STK32C: variants seen among roughly 807,000 people sequenced by gnomAD.
STK32C encodes the protein serine/threonine-protein kinase 32C.
STK32C carries 31 observed loss-of-function variants against 56.5 expected under a neutral mutation model. The ratio of observed to expected loss-of-function variants is 0.55; its 90% CI spans 0.41 to 0.74. STK32C has a LOEUF of 0.74. STK32C is among the 30% of genes least tolerant of loss of function. STK32C has a pLI of 0.00. For synonymous variants in STK32C, 309 were observed against 289.4 expected (o/e 1.07, Z -0.69); for missense variants, 544 against 676.9 (o/e 0.80, Z 2.18).
At chr10:132,226,698 TCTGAGGGAGTACGGCCGCCGTGC>T in intron 4 of STK32C, 74 bp downstream of exon 4, 1 of 1,453,660 alleles carries the variant, frequency 6.9e-7, no homozygotes, top group South Asian at 1.3e-5. Flanking sequence ...CTAGACCCGC[TCTGAGGGAGTACGGCCGCCGTGC>T]CGGCAGCCTG....
At chr10:132,257,655 C>T (rs1270665331) in intron 1 of STK32C, among the ~76,000 whole-genome samples, 1 of 151,412 alleles carries the variant, frequency 6.6e-6, no homozygotes, top group African/African-American at 2.4e-5. Context: ...CCTCTCTCTG[C>T]CTCTGTCCCC....
intron 11 of STK32C, among the ~76,000 whole-genome samples, chr10:132,208,397 T>A (rs1421742927): frequency 2.0e-5 from 3 of 152,204 alleles, no homozygotes; most frequent in Admixed American, 2.0e-4. Context: ...AAGGCCTGAC[T>A]GTGCAGGTGC....
chr10:132,232,090 C>T (rs749707209), intron 2 of STK32C, among the ~76,000 whole-genome samples: 1 of 152,250 alleles, frequency 6.6e-6, no homozygotes, highest in South Asian at 2.1e-4. Context: ...CGCCTGCAGG[C>T]AGCAGCCTCA....
intron 2 of STK32C, among the ~76,000 whole-genome samples, chr10:132,230,692 G>GGGGGGGGGGGGGC: frequency 7.4e-6 from 1 of 134,260 alleles, no homozygotes; most frequent in African/African-American, 2.9e-5. Context: ...GGGGGGGGGG[G>GGGGGGGGGGGGGC]CTGCAGAGCC....
At position 132,255,150 on chromosome 10, in the gene STK32C, C is replaced by T. The variant is rs2064063689; in HGVS notation, c.263-9195G>A. ...CACGCAGAAGTTGATTAAATGCCGT[C>T]TCGTCTCCTATGACCTGGGAAGTGC... On this transcript the variant is annotated intron_variant, in intron 1 of 11. Coordinates refer to ENST00000298630, the MANE Select transcript of STK32C (RefSeq NM_173575.4). The surrounding 1 kb of genome is among the most constrained non-coding windows in gnomAD (Gnocchi z 4.6). Among the ~76,000 whole-genome samples, 1 of 152,226 alleles carries T rather than the reference C, an allele frequency of 6.6e-6. No homozygotes were observed. The highest frequency in any genetic ancestry group is 2.1e-4 in the South Asian group (1 of 4,828).
At chr10:132,260,110 G>A (rs551424866) in intron 1 of STK32C, among the ~76,000 whole-genome samples, 14 of 152,104 alleles carry the variant, frequency 9.2e-5, no homozygotes, top group Non-Finnish European at 1.9e-4. Context: ...GATGTTGAGA[G>A]AGGGTCACCT....
chr10:132,324,376 A>C (rs2066460009), intron 1 of STK32C: 3 of 776,654 alleles, frequency 3.9e-6, no homozygotes, highest in Non-Finnish European at 4.8e-6. Flanking sequence ...CAGAAGACCT[A>C]TATGAGGAAA....
intron 1 of STK32C, among the ~76,000 whole-genome samples, chr10:132,283,756 G>A (rs536247838): frequency 3.3e-4 from 51 of 152,252 alleles, no homozygotes; most frequent in African/African-American, 1.2e-3. Flanking sequence ...GTCCGACTCC[G>A]CTGCGCCTGA....
chr10:132,331,802 G>C (rs762276894), exon 1 of STK32C: 6 of 1,597,012 alleles, frequency 3.8e-6, no homozygotes, highest in Non-Finnish European at 8.5e-7. Flanking sequence ...GTCTCTACTT[G>C]CCCGTCGACC....
In STK32C at chr10:132,295,467, C is replaced by T. The variant is rs560678921; in HGVS notation, c.262+12105G>A. 1.1e-4 allele frequency among the ~76,000 whole-genome samples: 16 copies of T among 152,330 alleles called. No individual in the cohort carries two copies. In the South Asian group the frequency reaches 1.5e-3, roughly 14 times the overall value. ...ACAGCTCCCAGTGGCCAGACTGGGA[C>T]GGGGTGACCAAGAAATTAAAGCAGT... On this transcript the variant is annotated intron_variant, in intron 1 of 11. Coordinates refer to ENST00000298630, the MANE Select transcript of STK32C (RefSeq NM_173575.4).
In STK32C at chr10:132,307,751, C is replaced by A; in HGVS notation, c.83G>T (p.Gly28Val). 9.7e-7 allele frequency: 1 copy of A among 1,032,506 alleles called. No homozygotes were observed. The highest frequency in any genetic ancestry group is 5.8e-5 in the Admixed American group (1 of 17,168). The allele number at this position is 1,032,506 out of a possible 1,614,324, so 64.0% of individuals were successfully genotyped here. ...SPPPGRARPA[G>V]SDAPSALPPP... is the part of the protein sequence containing the mutation. ...CGGCAGGGCCGAGGGCGCGTCGGAGCCGGCGGGGCGCGCGCGGCCGGGGGG... is the reference window on the plus strand; with the variant it reads ...CGGCAGGGCCGAGGGCGCGTCGGAGACGGCGGGGCGCGCGCGGCCGGGGGG... The change falls in exon 1 of 12, where the codon GGC (glycine) becomes GTC (valine). Residue 28 changes from glycine (G) to valine (V), a missense_variant. Gly to Val is a moderately radical substitution (Grantham distance 109, BLOSUM62 -3). Coordinates refer to ENST00000298630, the MANE Select transcript of STK32C (RefSeq NM_173575.4). This position sits in a 1 kb window ranked among gnomAD's most constrained non-coding sequence, Gnocchi z 4.4.
chr10:132,331,200 CAAAAAAAAAA>C (rs35734065), intron 1 of STK32C, among the ~76,000 whole-genome samples: 1 of 56,332 alleles, frequency 1.8e-5, no homozygotes, highest in African/African-American at 7.1e-5. Context: ...GACTCCACCT[CAAAAAAAAAA>C]AAAAAAAAAA....
At chr10:132,229,202 A>T (rs1024118091) in intron 2 of STK32C, among the ~76,000 whole-genome samples, 10 of 152,230 alleles carry the variant, frequency 6.6e-5, no homozygotes, top group Admixed American at 6.5e-4. Flanking sequence ...TTCCCAGGAC[A>T]GGTAATCCAG....
chr10:132,295,231 A>C (rs1156413661), intron 1 of STK32C, among the ~76,000 whole-genome samples: 1 of 152,198 alleles, frequency 6.6e-6, no homozygotes, highest in East Asian at 1.9e-4. Flanking sequence ...AAGGAGCACA[A>C]TGGGACCCAG....
At chr10:132,282,089 G>C (rs1017704338) in intron 1 of STK32C, among the ~76,000 whole-genome samples, 2 of 152,232 alleles carry the variant, frequency 1.3e-5, no homozygotes, top group African/African-American at 4.8e-5. Flanking sequence ...CCGGGGGTGG[G>C]GGCGACAGGT....
chr10:132,331,511 T>C, exon 1 of STK32C: 1 of 1,612,926 alleles, frequency 6.2e-7, no homozygotes, highest in African/African-American at 1.3e-5. Context: ...TGAGTCTGCG[T>C]TCCCCTGGCA....
At chr10:132,326,435 A>G (rs1167858675) in intron 1 of STK32C, among the ~76,000 whole-genome samples, 3 of 152,136 alleles carry the variant, frequency 2.0e-5, no homozygotes, top group Admixed American at 1.3e-4. Flanking sequence ...GGATTCGAGT[A>G]ATTCTTGTGC....
intron 1 of STK32C, among the ~76,000 whole-genome samples, chr10:132,300,066 G>A (rs557210746): frequency 2.0e-4 from 30 of 152,336 alleles, no homozygotes; most frequent in African/African-American, 7.2e-4. Context: ...TGCAACGCCC[G>A]TGCTAGACTC....
chr10:132,293,499 G>A (rs1247592069), intron 1 of STK32C, among the ~76,000 whole-genome samples: 1 of 152,242 alleles, frequency 6.6e-6, no homozygotes, highest in Non-Finnish European at 1.5e-5. Context: ...GCAGAATGAA[G>A]GCCCTGTCAT....
Sources: allele counts gnomAD v4.1 joint callset (sites outside exome capture counted in the v4.1 genomes callset), GRCh38; gene constraint gnomAD v4.1.1; non-coding constraint Gnocchi (gnomAD v3.1); transcripts MANE v1.5; gene names NCBI Gene and HGNC (gene_info 2026-07-23, HGNC 2026-07-21).